The following NBAS variants were observed in gnomAD, a reference collection of about 807,000 sequenced individuals.
NBAS encodes the protein NAG/BC035112 fusion.
In NBAS, 219 loss-of-function variants were observed where a neutral mutation model predicts 302.5. The ratio of observed to expected loss-of-function variants is 0.72; its 90% CI spans 0.65 to 0.81. NBAS has a LOEUF of 0.81. Ranked by LOEUF, NBAS falls within the 30% of genes least tolerant of loss-of-function variation. The pLI is 0.00. For missense variants in NBAS, 2,932 were observed against 2,841.6 expected (o/e 1.03, Z -0.72); for synonymous variants, 1,118 against 1,021.6 (o/e 1.09, Z -1.80).
chr2:14,826,489 G>T, the NBAS span, among the ~76,000 whole-genome samples: 1 of 152,194 alleles, frequency 6.6e-6, no homozygotes, highest in Non-Finnish European at 1.5e-5. Context: ...GAGATACCAT[G>T]TAGGGATTTG....
chr2:15,362,342 A>C (rs1365706901), intron 32 of NBAS, among the ~76,000 whole-genome samples: 1 of 142,100 alleles, frequency 7.0e-6, no homozygotes, highest in African/African-American at 2.5e-5. Flanking sequence ...AAGAAAAGAA[A>C]AGAAAAATGT....
intron 48 of NBAS, among the ~76,000 whole-genome samples, chr2:15,199,938 G>A (rs1048006172): frequency 3.0e-5 from 4 of 133,474 alleles, no homozygotes; most frequent in South Asian, 2.3e-4. Context: ...GTCTTACTCC[G>A]TTACCCAGGC....
intron 3 of NBAS, among the ~76,000 whole-genome samples, chr2:15,555,664 T>C (rs759483786): frequency 2.6e-5 from 4 of 152,156 alleles, no homozygotes; most frequent in Non-Finnish European, 5.9e-5. Context: ...GAAAGCAGCA[T>C]ATCATGAGAC....
the NBAS span, among the ~76,000 whole-genome samples, chr2:14,935,366 A>G: frequency 6.6e-6 from 1 of 152,112 alleles, no homozygotes; most frequent in Non-Finnish European, 1.5e-5. Flanking sequence ...CCATCTGCTC[A>G]TTTTTATATT....
chr2:15,032,071 T>C, the NBAS span, among the ~76,000 whole-genome samples: 6 of 152,214 alleles, frequency 3.9e-5, no homozygotes, highest in African/African-American at 1.4e-4. Flanking sequence ...AGTTGTTTCC[T>C]GACCACACTC....
At chr2:15,230,928 C>T (rs1667357401) in intron 47 of NBAS, among the ~76,000 whole-genome samples, 1 of 152,218 alleles carries the variant, frequency 6.6e-6, no homozygotes, top group Admixed American at 6.5e-5. Context: ...TTACCATCAT[C>T]TATCTCCTCC....
chr2:15,052,290 C>T, the NBAS span, among the ~76,000 whole-genome samples: 3 of 152,308 alleles, frequency 2.0e-5, no homozygotes, highest in African/African-American at 7.2e-5. Flanking sequence ...ATATATTTTC[C>T]TTGACTCTAG....
intron 6 of NBAS, among the ~76,000 whole-genome samples, chr2:15,540,219 G>A (rs939706771): frequency 6.6e-6 from 1 of 152,040 alleles, no homozygotes; most frequent in African/African-American, 2.4e-5. Flanking sequence ...GACTCAAGGT[G>A]TCACCTTGAG....
At chr2:14,927,560 CT>C in the NBAS span, among the ~76,000 whole-genome samples, 14 of 152,152 alleles carry the variant, frequency 9.2e-5, no homozygotes, top group African/African-American at 3.4e-4. Context: ...GCTTTCAGTT[CT>C]TTTGGGTGTC....
intron 26 of NBAS, among the ~76,000 whole-genome samples, chr2:15,400,912 C>T (rs1676118909): frequency 6.6e-6 from 1 of 152,152 alleles, no homozygotes; most frequent in South Asian, 2.1e-4. Context: ...TTTACCTTGT[C>T]TCTCTATTTC....
At chr2:15,439,683 C>A (rs1202710075) in intron 21 of NBAS, among the ~76,000 whole-genome samples, 1 of 152,150 alleles carries the variant, frequency 6.6e-6, no homozygotes, top group Non-Finnish European at 1.5e-5. Context: ...GCGCCGTGCA[C>A]AAGCCGAAGT....
the NBAS span, among the ~76,000 whole-genome samples, chr2:14,786,386 C>T: frequency 6.6e-6 from 1 of 152,078 alleles, no homozygotes; most frequent in Non-Finnish European, 1.5e-5. Flanking sequence ...TTTGCTCTTG[C>T]TTTTCCAGTT....
chr2:15,031,346 A>T, the NBAS span, among the ~76,000 whole-genome samples: 1 of 152,160 alleles, frequency 6.6e-6, no homozygotes, highest in Admixed American at 6.5e-5. Flanking sequence ...AAGAACCATA[A>T]TCTCAACATG....
In NBAS at chr2:15,356,300, C is replaced by T. The variant is rs375073805; in HGVS notation, c.3931+3G>A. ...CAAAGTGTTAAATAAGCTGTCTACT[C>T]ACCTGTGGCCATCAGCTCCTGACAA... On this transcript the variant is annotated splice_donor_region_variant and intron_variant, in intron 33 of 51. Transcript: ENST00000281513. The T allele has an allele frequency of 1.4e-5, 23 of 1,609,376 alleles. No individual in the cohort carries two copies. The highest frequency in any genetic ancestry group is 1.9e-5 in the Non-Finnish European group (22 of 1,175,858).
the NBAS span, among the ~76,000 whole-genome samples, chr2:15,073,767 G>A: frequency 2.6e-5 from 4 of 152,098 alleles, no homozygotes; most frequent in Non-Finnish European, 4.4e-5. Context: ...TTAAGTTTGT[G>A]AGAGTCATCC....
chr2:15,085,773 G>A, the NBAS span, among the ~76,000 whole-genome samples: 3 of 152,310 alleles, frequency 2.0e-5, no homozygotes, highest in East Asian at 1.9e-4. Flanking sequence ...CACCAGCTCC[G>A]ATCTCAGAGA....
chr2:15,509,136 C>A (rs1272160306), intron 10 of NBAS, among the ~76,000 whole-genome samples: 2 of 152,176 alleles, frequency 1.3e-5, no homozygotes, highest in African/African-American at 4.8e-5. Context: ...CGAGTAACTT[C>A]TACCTCACTT....
At chr2:14,834,887 A>G in the NBAS span, among the ~76,000 whole-genome samples, 1 of 152,206 alleles carries the variant, frequency 6.6e-6, no homozygotes, top group South Asian at 2.1e-4. Flanking sequence ...TGGTGACAGT[A>G]TGGAGGATAC....
intron 44 of NBAS, among the ~76,000 whole-genome samples, chr2:15,243,900 C>T (rs1046921819): frequency 6.6e-6 from 1 of 152,140 alleles, no homozygotes; most frequent in Non-Finnish European, 1.5e-5. Flanking sequence ...CCTTATATAA[C>T]AAATGCCAAG....
Sources: gnomAD v4.1 joint callset for allele counts (sites outside exome capture counted in the v4.1 genomes callset) on GRCh38, gnomAD v4.1.1 for gene constraint, MANE v1.5 for transcripts, NCBI Gene and HGNC (gene_info 2026-07-23, HGNC 2026-07-21) for gene names.